The following ARPP21 variants were observed in gnomAD, a reference collection of about 807,000 sequenced individuals.
The protein encoded by ARPP21 is cAMP regulated phosphoprotein 21.
Under a neutral mutation model 113.2 loss-of-function variants are expected in ARPP21, and 69 were observed. The ratio of observed to expected loss-of-function variants is 0.61; its 90% CI spans 0.50 to 0.74. The LOEUF is 0.74. Among genes scored for constraint, ARPP21 ranks in the 30% least tolerant of loss-of-function variants. ARPP21 has a pLI of 0.00. For missense variants in ARPP21, 1,070 were observed against 1,037.4 expected, an observed-to-expected ratio of 1.03 and a Z score of -0.43; for synonymous variants, 368 against 375.5, an observed-to-expected ratio of 0.98 and a Z score of 0.23.
chr3:35,645,032 A>C (rs1468190970), intron 1 of ARPP21, among the ~76,000 whole-genome samples: 1 of 151,904 alleles, frequency 6.6e-6, no homozygotes, highest in Non-Finnish European at 1.5e-5. Context: ...TTAGTCCAAA[A>C]CTGTCTCATT....
chr3:35,747,075 G>T (rs1409616092), intron 19 of ARPP21, among the ~76,000 whole-genome samples: 1 of 152,154 alleles, frequency 6.6e-6, no homozygotes. Flanking sequence ...TTGGGGCCAG[G>T]TGTGGTGGCT....
intron 19 of ARPP21, among the ~76,000 whole-genome samples, chr3:35,752,897 A>G (rs2095447961): frequency 6.6e-6 from 1 of 152,124 alleles, no homozygotes; most frequent in African/African-American, 2.4e-5. Context: ...TGTGAATTAC[A>G]GCTAGTATTT....
At position 35,794,112 on chromosome 3, in the gene ARPP21, C is replaced by T; in HGVS notation, c.*154C>T. On this transcript the variant is annotated 3_prime_UTR_variant, in exon 21 of 21. Transcript: ENST00000684406. ...TAAAAAATAAACAAAGACTAATATA[C>T]ACGTTAGCTGGTTAATGGTGCATAT... 1 of 691,228 alleles carries T rather than the reference C, an allele frequency of 1.4e-6. No homozygotes were observed. Among genetic ancestry groups the T allele is most frequent in the Non-Finnish European group, 2.4e-6 (1 of 412,438 alleles). The allele number at this position is 691,228 out of a possible 1,614,324, so 42.8% of individuals were successfully genotyped here. A position where few individuals can be genotyped will look rare whatever the true frequency, so the allele number is the denominator to read the frequency against.
chr3:35,717,868 A>C (rs374738320), intron 13 of ARPP21, among the ~76,000 whole-genome samples: 73 of 152,208 alleles, frequency 4.8e-4, no homozygotes, highest in African/African-American at 1.7e-3. Flanking sequence ...TCTGTGTAGG[A>C]TAAGGGGATA....
intron 19 of ARPP21, among the ~76,000 whole-genome samples, chr3:35,764,343 T>C (rs1241896830): frequency 6.6e-6 from 1 of 152,196 alleles, no homozygotes; most frequent in East Asian, 1.9e-4. Context: ...TTTATTATCA[T>C]GGCTTTGATT....
chr3:35,654,265 A>G lies in ARPP21; in HGVS notation c.-213+13867A>G, dbSNP rs555363755. Reference sequence around the variant, plus strand: ...TTTCATTTTTTTTCCTAATGGATTCACATGGTTTGAGCTTTTAAGTGCATG... The same window carrying G: ...TTTCATTTTTTTTCCTAATGGATTCGCATGGTTTGAGCTTTTAAGTGCATG... On this transcript the variant is annotated intron_variant, in intron 1 of 20. Transcript: ENST00000684406. Among the ~76,000 whole-genome samples, 5 of 152,192 alleles carry G rather than the reference A, an allele frequency of 3.3e-5. No individual in the cohort carries two copies. The East Asian group carries it at 9.7e-4, about 29-fold the overall frequency.
chr3:35,683,201 C>T (rs916551005), intron 4 of ARPP21, among the ~76,000 whole-genome samples: 2 of 151,636 alleles, frequency 1.3e-5, no homozygotes, highest in Non-Finnish European at 3.0e-5. Flanking sequence ...TGTGTTCACA[C>T]TTAGAGATTT....
At chr3:35,667,143 C>T (rs1362397574) in intron 1 of ARPP21, among the ~76,000 whole-genome samples, 2 of 152,144 alleles carry the variant, frequency 1.3e-5, no homozygotes, top group Admixed American at 6.6e-5. Flanking sequence ...AGGGCTAGTC[C>T]TATTATCCTA....
chr3:35,672,871 T>G (rs1381668267), intron 1 of ARPP21, among the ~76,000 whole-genome samples: 5 of 152,130 alleles, frequency 3.3e-5, no homozygotes, highest in Middle Eastern at 3.4e-3. Flanking sequence ...AATGAATAGA[T>G]GTATTTGATG....
intron 19 of ARPP21, among the ~76,000 whole-genome samples, chr3:35,765,051 A>C (rs1462255790): frequency 1.3e-5 from 2 of 152,164 alleles, no homozygotes; most frequent in Non-Finnish European, 2.9e-5. Flanking sequence ...AAGGACAAGG[A>C]AAATTCTACT....
intron 19 of ARPP21, among the ~76,000 whole-genome samples, chr3:35,773,346 T>G (rs889110113): frequency 2.0e-5 from 3 of 152,108 alleles, no homozygotes; most frequent in Admixed American, 2.0e-4. Flanking sequence ...ATTTTACAGA[T>G]GATGGAAGTA....
chr3:35,649,718 C>G (rs369506504), intron 1 of ARPP21, among the ~76,000 whole-genome samples: 2 of 152,048 alleles, frequency 1.3e-5, no homozygotes, highest in Non-Finnish European at 2.9e-5. Context: ...TTCAGACCCC[C>G]CTCCTGCTTT....
chr3:35,755,427 T>C (rs2151165578), intron 19 of ARPP21, among the ~76,000 whole-genome samples: 1 of 152,202 alleles, frequency 6.6e-6, no homozygotes, highest in Middle Eastern at 3.4e-3. Context: ...TTATATTAAA[T>C]AAAATTTGCA....
At chr3:35,773,413 C>G (rs1055668166) in intron 19 of ARPP21, among the ~76,000 whole-genome samples, 16 of 152,052 alleles carry the variant, frequency 1.1e-4, no homozygotes, top group Admixed American at 3.3e-4. Flanking sequence ...GTCTTAAAGA[C>G]CAGGTCTTTC....
At chr3:35,757,774 C>T (rs2095625588) in intron 19 of ARPP21, among the ~76,000 whole-genome samples, 1 of 152,070 alleles carries the variant, frequency 6.6e-6, no homozygotes, top group Non-Finnish European at 1.5e-5. Flanking sequence ...TAGATTTAAA[C>T]ATGTATTGTG....
At chr3:35,729,282 T>C (rs755396198) in intron 14 of ARPP21, 21 bp from the exon 15 acceptor site, 1 of 1,554,564 alleles carries the variant, frequency 6.4e-7, no homozygotes, top group Non-Finnish European at 8.9e-7. Flanking sequence ...CAATGATTTG[T>C]TGATTGTATC....
At chr3:35,698,308 G>A (rs965339843) in intron 9 of ARPP21, among the ~76,000 whole-genome samples, 11 of 151,266 alleles carry the variant, frequency 7.3e-5, no homozygotes, top group Admixed American at 2.6e-4. Flanking sequence ...GAAATATACC[G>A]TAAGAAGGAA....
intron 9 of ARPP21, among the ~76,000 whole-genome samples, chr3:35,698,430 G>A (rs956013249): frequency 6.6e-6 from 1 of 151,538 alleles, no homozygotes; most frequent in Non-Finnish European, 1.5e-5. Flanking sequence ...CTATAACATA[G>A]TATCCTTAAT....
intron 4 of ARPP21, 89 bp from the exon 5 acceptor site, chr3:35,683,637 T>A: frequency 1.4e-6 from 1 of 708,236 alleles, no homozygotes; most frequent in Non-Finnish European, 2.6e-6. Context: ...GGAAGTTATG[T>A]AAATGTGGAG....
Sources: allele counts gnomAD v4.1 joint callset (sites outside exome capture counted in the v4.1 genomes callset), GRCh38; gene constraint gnomAD v4.1.1; transcripts MANE v1.5; gene names NCBI Gene and HGNC (gene_info 2026-07-23, HGNC 2026-07-21).